CSMD1: variants seen among roughly 807,000 people sequenced by gnomAD.
CSMD1 encodes the protein CUB and Sushi multiple domains 1.
In CSMD1, 213 loss-of-function variants were observed where a neutral mutation model predicts 417.5. The ratio of observed to expected loss-of-function variants is 0.51; its 90% CI spans 0.46 to 0.57. CSMD1 has a LOEUF of 0.57. Among genes scored for constraint, CSMD1 ranks in the 20% least tolerant of loss-of-function variants. The pLI is 0.00. For missense variants in CSMD1, 6,923 were observed against 4,529.7 expected, an observed-to-expected ratio of 1.53 and a Z score of -15.17; for synonymous variants, 2,862 against 1,736.8, an observed-to-expected ratio of 1.65 and a Z score of -16.11.
chr8:4,764,275 G>C (rs1237073619), intron 1 of CSMD1, among the ~76,000 whole-genome samples: 1 of 152,156 alleles, frequency 6.6e-6, no homozygotes, highest in East Asian at 1.9e-4. Flanking sequence ...TATAATATTG[G>C]GGGTAGAGGT....
intron 5 of CSMD1, among the ~76,000 whole-genome samples, chr8:3,976,083 G>A (rs1813414973): frequency 6.6e-6 from 1 of 151,180 alleles, no homozygotes; most frequent in African/African-American, 2.4e-5. Context: ...TTTTGGGGGG[G>A]TCACGAACTT....
At chr8:4,430,265 T>A (rs945605223) in intron 2 of CSMD1, among the ~76,000 whole-genome samples, 2 of 152,136 alleles carry the variant, frequency 1.3e-5, no homozygotes, top group African/African-American at 2.4e-5. Context: ...TTTTCTAAAA[T>A]CACATCTTAT....
intron 11 of CSMD1, among the ~76,000 whole-genome samples, chr8:3,475,182 G>A (rs568420960): frequency 1.3e-4 from 19 of 142,846 alleles, no homozygotes; most frequent in African/African-American, 5.0e-4. Flanking sequence ...GCCTCTTGAA[G>A]CCAGATTAGG....
In CSMD1 at chr8:2,978,749, T is replaced by A. The variant is rs369688200; in HGVS notation, c.8429A>T (p.Gln2810Leu). ...GFVENAIRHG[Q>L]QNFPESFEYG... ...CTCAAAACTCTCAGGGAAGTTCTGT[T>A]GCCCGTGACGAATGGCATTTTCCAC... is the stretch of plus-strand genomic sequence containing the variant. The change falls in exon 55 of 70, where the codon CAA becomes CTA. Residue 2810 changes from glutamine to leucine, a missense_variant. Physicochemically the swap from Gln to Leu is moderately radical, Grantham distance 113. Coordinates refer to ENST00000635120, the MANE Select transcript of CSMD1 (RefSeq NM_033225.6). The A allele has an allele frequency of 8.7e-6, 14 of 1,613,504 alleles. No homozygotes were observed. Among genetic ancestry groups the A allele is most frequent in the African/African-American group, 2.7e-5 (2 of 74,914 alleles).
At chr8:3,650,857 T>A (rs1296953652) in intron 7 of CSMD1, among the ~76,000 whole-genome samples, 2 of 152,202 alleles carry the variant, frequency 1.3e-5, no homozygotes, top group Non-Finnish European at 2.9e-5. Context: ...CTCCCCTGTA[T>A]GTAACTATGA....
intron 2 of CSMD1, among the ~76,000 whole-genome samples, chr8:4,627,802 A>G (rs1802206950): frequency 6.6e-6 from 1 of 152,128 alleles, no homozygotes; most frequent in Non-Finnish European, 1.5e-5. Context: ...CAGACATATG[A>G]ATAGTATAGG....
chr8:4,385,789 T>C (rs888099225), intron 3 of CSMD1, among the ~76,000 whole-genome samples: 1 of 152,180 alleles, frequency 6.6e-6, no homozygotes, highest in African/African-American at 2.4e-5. Context: ...TTTGTATTTG[T>C]AGAGTGTTAA....
At chr8:3,075,341 G>C (rs1044292712) in intron 49 of CSMD1, among the ~76,000 whole-genome samples, 7 of 149,894 alleles carry the variant, frequency 4.7e-5, no homozygotes, top group Non-Finnish European at 1.0e-4. Flanking sequence ...GAGTGCAACG[G>C]TGTGATCTCG....
At chr8:3,828,225 T>C (rs1438436849) in intron 5 of CSMD1, among the ~76,000 whole-genome samples, 2 of 152,166 alleles carry the variant, frequency 1.3e-5, no homozygotes, top group African/African-American at 4.8e-5. Context: ...AAAGACACTC[T>C]TATTATCATG....
intron 5 of CSMD1, among the ~76,000 whole-genome samples, chr8:3,927,209 T>C (rs993868866): frequency 2.0e-5 from 3 of 152,016 alleles, no homozygotes; most frequent in Non-Finnish European, 4.4e-5. Flanking sequence ...CAGCTTCTAA[T>C]AAATAAATGC....
chr8:4,575,077 A>G (rs1263733086), intron 2 of CSMD1, among the ~76,000 whole-genome samples: 2 of 152,226 alleles, frequency 1.3e-5, no homozygotes, highest in East Asian at 1.9e-4. Flanking sequence ...ACTATAAAAT[A>G]GAATCCAGCC....
chr8:3,549,208 G>C (rs578121935), intron 10 of CSMD1, among the ~76,000 whole-genome samples: 1 of 152,208 alleles, frequency 6.6e-6, no homozygotes, highest in Non-Finnish European at 1.5e-5. Flanking sequence ...TCTTGGTAAA[G>C]CCTCATAAGC....
At chr8:3,937,465 A>C (rs938578818) in intron 5 of CSMD1, among the ~76,000 whole-genome samples, 1 of 152,116 alleles carries the variant, frequency 6.6e-6, no homozygotes, top group Non-Finnish European at 1.5e-5. Context: ...ATCAACATTG[A>C]CGAAAGACCT....
chr8:3,698,601 T>A (rs1800685092), intron 7 of CSMD1, among the ~76,000 whole-genome samples: 1 of 152,134 alleles, frequency 6.6e-6, no homozygotes, highest in Non-Finnish European at 1.5e-5. Context: ...AATCACACGT[T>A]CCTAATACAG....
At chr8:3,271,253 T>C (rs1336316514) in intron 26 of CSMD1, among the ~76,000 whole-genome samples, 2 of 152,070 alleles carry the variant, frequency 1.3e-5, no homozygotes, top group Non-Finnish European at 2.9e-5. Flanking sequence ...ACAAAGCACA[T>C]GAACTCATCA....
intron 31 of CSMD1, among the ~76,000 whole-genome samples, chr8:3,204,162 A>C (rs1797126289): frequency 6.6e-6 from 1 of 152,188 alleles, no homozygotes; most frequent in African/African-American, 2.4e-5. Flanking sequence ...ATAGGATGTG[A>C]TCGTTTGTGT....
At chr8:2,992,122 T>C (rs559968187) in intron 54 of CSMD1, among the ~76,000 whole-genome samples, 1 of 152,150 alleles carries the variant, frequency 6.6e-6, no homozygotes, top group South Asian at 2.1e-4. Flanking sequence ...GCATGAATAG[T>C]ACATATGCAT....
At chr8:4,375,765 G>C (rs13267644) in intron 3 of CSMD1, among the ~76,000 whole-genome samples, 31,018 of 152,088 alleles carry the variant, frequency 0.2, 3,338 homozygotes, top group Middle Eastern at 0.32. Context: ...CCCTGTCTTT[G>C]TACAGTGATT....
intron 41 of CSMD1, among the ~76,000 whole-genome samples, chr8:3,137,771 C>A (rs1818192710): frequency 6.6e-6 from 1 of 152,188 alleles, no homozygotes; most frequent in South Asian, 2.1e-4. Flanking sequence ...AGTGGAAACA[C>A]AACCATGTGT....
Sources: allele counts gnomAD v4.1 joint callset (sites outside exome capture counted in the v4.1 genomes callset), GRCh38; gene constraint gnomAD v4.1.1; transcripts MANE v1.5; gene names NCBI Gene and HGNC (gene_info 2026-07-23, HGNC 2026-07-21).